The following SGCZ variants were observed in gnomAD, a reference collection of about 807,000 sequenced individuals.
The protein encoded by SGCZ is sarcoglycan zeta, also known as zeta-sarcoglycan.
Under a neutral mutation model 41.3 loss-of-function variants are expected in SGCZ, and 40 were observed. That is an observed-to-expected ratio of 0.97 (90% confidence interval 0.75 to 1.26). The LOEUF (loss-of-function observed/expected upper bound fraction) is 1.26, where lower values mean the gene tolerates loss of function less well. Among genes scored for constraint, SGCZ ranks in the 50% most tolerant of loss-of-function variants. SGCZ has a pLI of 0.00. For synonymous variants in SGCZ, 206 were observed against 137.5 expected, an observed-to-expected ratio of 1.50 and a Z score of -3.49; for missense variants, 552 against 369.8, an observed-to-expected ratio of 1.49 and a Z score of -4.04.
chr8:14,342,267 T>C (rs546345761), intron 2 of SGCZ, among the ~76,000 whole-genome samples: 4 of 152,316 alleles, frequency 2.6e-5, no homozygotes, highest in South Asian at 4.1e-4. Context: ...TAGAGATTTG[T>C]GGAACTTTGA....
intron 1 of SGCZ, among the ~76,000 whole-genome samples, chr8:14,767,202 T>G (rs1361242972): frequency 1.3e-5 from 2 of 152,176 alleles, no homozygotes; most frequent in Non-Finnish European, 2.9e-5. Context: ...GTCTATCTCC[T>G]AGGCCTCCAA....
At chr8:14,165,922 T>C (rs1342442382) in intron 4 of SGCZ, among the ~76,000 whole-genome samples, 1 of 152,142 alleles carries the variant, frequency 6.6e-6, no homozygotes, top group Non-Finnish European at 1.5e-5. Context: ...ACCTCAGCAC[T>C]ACTCCCAGTG....
chr8:14,302,991 C>G (rs1336883036), intron 3 of SGCZ, among the ~76,000 whole-genome samples: 1 of 152,168 alleles, frequency 6.6e-6, no homozygotes, highest in Non-Finnish European at 1.5e-5. Flanking sequence ...AGCACTTGCT[C>G]AGGGCCTCCT....
At chr8:14,291,128 A>G (rs6530760) in intron 3 of SGCZ, among the ~76,000 whole-genome samples, 114,360 of 151,938 alleles carry the variant, frequency 0.75, 43,493 homozygotes, top group Non-Finnish European at 0.8. Context: ...TTTTATCACA[A>G]AAGTACAGAG....
chr8:14,739,636 C>G (rs887927706), intron 1 of SGCZ, among the ~76,000 whole-genome samples: 2 of 151,882 alleles, frequency 1.3e-5, no homozygotes, highest in Non-Finnish European at 2.9e-5. Context: ...ATTAGTCTTC[C>G]TTTTAGAAAA....
At chr8:14,835,945 C>T (rs188692055) in intron 1 of SGCZ, among the ~76,000 whole-genome samples, 2 of 152,208 alleles carry the variant, frequency 1.3e-5, no homozygotes, top group African/African-American at 2.4e-5. Flanking sequence ...ATTAAATTTC[C>T]AATAAGTTGC....
intron 2 of SGCZ, among the ~76,000 whole-genome samples, chr8:14,495,799 T>C (rs2117039933): frequency 6.6e-6 from 1 of 152,224 alleles, no homozygotes; most frequent in South Asian, 2.1e-4. Context: ...AAAACTGTAT[T>C]TTTGAAGCCA....
chr8:14,646,257 G>C (rs1807212029), intron 1 of SGCZ, among the ~76,000 whole-genome samples: 2 of 151,810 alleles, frequency 1.3e-5, no homozygotes, highest in African/African-American at 4.8e-5. Flanking sequence ...TTATGTCCAT[G>C]AGCACACAAT....
intron 1 of SGCZ, among the ~76,000 whole-genome samples, chr8:15,113,207 C>CAAAAA (rs59453647): frequency 1.1e-4 from 14 of 128,176 alleles, no homozygotes; most frequent in African/African-American, 4.0e-4. Context: ...AGACCTGGCT[C>CAAAAA]AAAAAAAAAA....
chr8:14,965,121 G>T (rs1404311896), intron 1 of SGCZ, among the ~76,000 whole-genome samples: 10 of 152,052 alleles, frequency 6.6e-5, no homozygotes, highest in African/African-American at 2.4e-4. Context: ...GGACAATCCC[G>T]ATACTCGAGA....
chr8:15,177,357 G>A (rs1800031450), intron 1 of SGCZ, among the ~76,000 whole-genome samples: 2 of 152,288 alleles, frequency 1.3e-5, no homozygotes, highest in African/African-American at 2.4e-5. Context: ...CAGCTGGTGG[G>A]CTAAAATATG....
chr8:14,884,156 A>G (rs1462929965), intron 1 of SGCZ, among the ~76,000 whole-genome samples: 1 of 152,118 alleles, frequency 6.6e-6, no homozygotes, highest in Non-Finnish European at 1.5e-5. Flanking sequence ...TGAATAAACA[A>G]TCACAACGTT....
rs115232315 is a variant in SGCZ, at chr8:15,116,588, G to C, written c.39+120997C>G. Among the ~76,000 whole-genome samples the C allele has an allele frequency of 5.1e-3, 780 of 152,232 alleles. 7 individuals carry two copies. Among genetic ancestry groups the C allele is most frequent in the African/African-American group, 0.018 (761 of 41,544 alleles). On this transcript the variant is annotated intron_variant, in intron 1 of 7. Coordinates refer to ENST00000382080, the MANE Select transcript of SGCZ (RefSeq NM_139167.4). ...TTATTGCTTCTCAGTGATACTGGCA[G>C]GACAGAAGGCTGACAGAAAGGGCAA...
At chr8:14,630,384 G>A (rs28452770) in intron 1 of SGCZ, among the ~76,000 whole-genome samples, 2 of 152,020 alleles carry the variant, frequency 1.3e-5, no homozygotes, top group Non-Finnish European at 2.9e-5. Context: ...CTGCGATGGA[G>A]AGGATGTGGA....
intron 5 of SGCZ, among the ~76,000 whole-genome samples, chr8:14,124,905 C>T (rs1301219844): frequency 6.6e-6 from 1 of 151,880 alleles, no homozygotes; most frequent in Non-Finnish European, 1.5e-5. Context: ...AGAAATGAAG[C>T]TGACCAAAAG....
At chr8:14,882,134 A>G (rs965141673) in intron 1 of SGCZ, among the ~76,000 whole-genome samples, 9 of 152,248 alleles carry the variant, frequency 5.9e-5, no homozygotes, top group African/African-American at 2.2e-4. Context: ...AAAGATCCCA[A>G]ATCAGTTTCT....
At chr8:14,690,838 A>C (rs1808777865) in intron 1 of SGCZ, among the ~76,000 whole-genome samples, 1 of 152,194 alleles carries the variant, frequency 6.6e-6, no homozygotes, top group Non-Finnish European at 1.5e-5. Context: ...CTCTTACTGA[A>C]TTTATATGGA....
chr8:15,102,777 G>T (rs530770566), intron 1 of SGCZ, among the ~76,000 whole-genome samples: 56 of 152,216 alleles, frequency 3.7e-4, no homozygotes, highest in African/African-American at 1.3e-3. Flanking sequence ...TCATTAAAGT[G>T]AACATTATTT....
chr8:14,824,381 G>C (rs1026382499), intron 1 of SGCZ, among the ~76,000 whole-genome samples: 4 of 152,000 alleles, frequency 2.6e-5, no homozygotes, highest in Admixed American at 1.3e-4. Flanking sequence ...CAATTATAGT[G>C]TGCCACTTTA....
Sources: gnomAD v4.1 joint callset for allele counts (sites outside exome capture counted in the v4.1 genomes callset) on GRCh38, gnomAD v4.1.1 for gene constraint, MANE v1.5 for transcripts, NCBI Gene and HGNC (gene_info 2026-07-23, HGNC 2026-07-21) for gene names.